Variants in GARIN2 observed in about 807,000 individuals in gnomAD.
GARIN2 encodes the protein Golgi-associated RAB2 interactor protein 2.
chr14:67,196,223 C>CTTTTTTTTTTTTTTTTT, the GARIN2 span, among the ~76,000 whole-genome samples: 1 of 143,140 alleles, frequency 7.0e-6, no homozygotes. Flanking sequence ...TTCTTTCTTT[C>CTTTTTTTTTTTTTTTTT]TTTTTTTTTT....
the GARIN2 span, chr14:67,225,064 C>G: frequency 1.4e-6 from 2 of 1,472,524 alleles, no homozygotes; most frequent in Non-Finnish European, 1.8e-6. Context: ...TTCTCACTTC[C>G]TCTCTATTGA....
At chr14:67,192,868 A>AGATATATAGATATATATCTAGATATC in the GARIN2 span, among the ~76,000 whole-genome samples, 1 of 146,540 alleles carries the variant, frequency 6.8e-6, no homozygotes, top group Non-Finnish European at 1.5e-5. Flanking sequence ...AGATATATAT[A>AGATATATAGATATATATCTAGATATC]GATATATAGA....
the GARIN2 span, among the ~76,000 whole-genome samples, chr14:67,193,455 A>G: frequency 7.0e-6 from 1 of 142,528 alleles, no homozygotes; most frequent in African/African-American, 2.5e-5. Context: ...AGATCTCTAT[A>G]TATCTAGATA....
the GARIN2 span, chr14:67,200,022 T>C: frequency 1.0e-6 from 1 of 957,820 alleles, no homozygotes; most frequent in Non-Finnish European, 1.6e-6. Flanking sequence ...GTTTAGGACA[T>C]CCCCATTCTG....
chr14:67,192,707 T>C, the GARIN2 span, among the ~76,000 whole-genome samples: 1 of 151,410 alleles, frequency 6.6e-6, no homozygotes, highest in Non-Finnish European at 1.5e-5. Context: ...TGATAGCTGC[T>C]GTTTTAAAAA....
At chr14:67,220,406 C>A in the GARIN2 span, among the ~76,000 whole-genome samples, 3 of 151,666 alleles carry the variant, frequency 2.0e-5, no homozygotes, top group African/African-American at 7.3e-5. Flanking sequence ...AGAGCCACTG[C>A]ACTCTAGCCT....
At chr14:67,208,200 A>G in the GARIN2 span, 1 of 1,612,252 alleles carries the variant, frequency 6.2e-7, no homozygotes, top group Non-Finnish European at 8.5e-7. Flanking sequence ...TTATTTTTAA[A>G]GGAAAAATTG....
At chr14:67,200,896 G>A in the GARIN2 span, among the ~76,000 whole-genome samples, 2 of 152,146 alleles carry the variant, frequency 1.3e-5, no homozygotes, top group Non-Finnish European at 1.5e-5. Context: ...TGCCCCCATC[G>A]TAATTTGATA....
chr14:67,194,782 C>G, the GARIN2 span, among the ~76,000 whole-genome samples: 3 of 152,174 alleles, frequency 2.0e-5, no homozygotes, highest in Non-Finnish European at 4.4e-5. Flanking sequence ...CTCAGTCTCT[C>G]GAGTAGCTGG....
At chr14:67,220,725 A>C in the GARIN2 span, among the ~76,000 whole-genome samples, 1 of 152,300 alleles carries the variant, frequency 6.6e-6, no homozygotes, top group African/African-American at 2.4e-5. Flanking sequence ...CTATTTTTCA[A>C]GGTACATTTA....
chr14:67,200,127 T>C, the GARIN2 span: 1 of 1,083,720 alleles, frequency 9.2e-7, no homozygotes, highest in African/African-American at 1.6e-5. Flanking sequence ...CCCGAAGGCC[T>C]CCATTCTGAT....
the GARIN2 span, among the ~76,000 whole-genome samples, chr14:67,203,964 G>A: frequency 6.6e-6 from 1 of 152,100 alleles, no homozygotes; most frequent in African/African-American, 2.4e-5. Context: ...CACCCGCCTT[G>A]GCCTCCCAAA....
chr14:67,197,705 T>G, the GARIN2 span, among the ~76,000 whole-genome samples: 2 of 152,138 alleles, frequency 1.3e-5, no homozygotes, highest in African/African-American at 4.8e-5. Flanking sequence ...AAAAAGGGAT[T>G]GGAGAATCCT....
At chr14:67,215,406 GTT>G in the GARIN2 span, among the ~76,000 whole-genome samples, 1 of 109,512 alleles carries the variant, frequency 9.1e-6, no homozygotes. Context: ...CTGATCTATT[GTT>G]TTTTTTTTTT....
chr14:67,199,223 A>C, the GARIN2 span: 1 of 1,606,814 alleles, frequency 6.2e-7, no homozygotes, highest in Non-Finnish European at 8.5e-7. Flanking sequence ...GCCAGCACCA[A>C]GGCTATGACT....
chr14:67,212,606 TATATATATGTA>T, the GARIN2 span, among the ~76,000 whole-genome samples: 25 of 136,162 alleles, frequency 1.8e-4, no homozygotes, highest in Admixed American at 1.8e-3. Flanking sequence ...AAAATATATA[TATATATATGTA>T]ATATATATTA....
At chr14:67,225,960 T>TGCGC in the GARIN2 span, among the ~76,000 whole-genome samples, 18 of 119,756 alleles carry the variant, frequency 1.5e-4, no homozygotes, top group African/African-American at 4.0e-4. Flanking sequence ...TGTGTGTGTG[T>TGCGC]GTGCGCGCGC....
the GARIN2 span, among the ~76,000 whole-genome samples, chr14:67,222,273 A>G: frequency 3.3e-5 from 5 of 152,030 alleles, no homozygotes; most frequent in African/African-American, 1.2e-4. Context: ...AGGTGATACT[A>G]TTTAATGTTT....
the GARIN2 span, among the ~76,000 whole-genome samples, chr14:67,216,205 C>G: frequency 1.3e-5 from 2 of 152,066 alleles, no homozygotes; most frequent in Non-Finnish European, 2.9e-5. Context: ...TTAAGATTTA[C>G]TCCTTGTGTT....
Sources: allele counts gnomAD v4.1 joint callset (sites outside exome capture counted in the v4.1 genomes callset), GRCh38; gene constraint gnomAD v4.1.1; transcripts MANE v1.5; gene names NCBI Gene and HGNC (gene_info 2026-07-23, HGNC 2026-07-21).